ZDHHC11: variants seen among roughly 807,000 people sequenced by gnomAD.
ZDHHC11 encodes zDHHC palmitoyltransferase 11.
In ZDHHC11, 44 loss-of-function variants were observed where a neutral mutation model predicts 51.3. The observed-to-expected ratio is 0.86, with a 90% CI of 0.67 to 1.10. ZDHHC11 has a LOEUF of 1.10. ZDHHC11 is among the 50% of genes least tolerant of loss of function. The pLI is 0.00. For synonymous variants in ZDHHC11, 163 were observed against 222.0 expected (o/e 0.73, Z 2.36); for missense variants, 400 against 537.7 (o/e 0.74, Z 2.53).
intron 5 of ZDHHC11, among the ~76,000 whole-genome samples, chr5:837,983 G>A (rs539253125): frequency 5.3e-5 from 8 of 152,072 alleles, no homozygotes; most frequent in South Asian, 2.1e-4. Context: ...CCCCACAGTC[G>A]GAGGACCACG....
intron 10 of ZDHHC11, chr5:816,888 C>G (rs570810310): frequency 2.7e-5 from 12 of 451,908 alleles, no homozygotes; most frequent in African/African-American, 2.4e-4. Flanking sequence ...AAGCCAAGTT[C>G]ACCAAGTCTA....
In ZDHHC11 at chr5:850,927, T is replaced by C. The variant is rs1167999874; in HGVS notation, c.-325A>G. ...GCCCATCAGTTCCCCTGAGGATTTG[T>C]TACGTTCTGGGGAGTGCTCGACAGC... On this transcript the variant is annotated 5_prime_UTR_variant, in exon 1 of 13. Coordinates refer to ENST00000283441, the MANE Select transcript of ZDHHC11 (RefSeq NM_024786.3). The C allele has an allele frequency of 4.5e-6, 2 of 440,988 alleles. No individual in the cohort carries two copies. Among genetic ancestry groups the C allele is most frequent in the East Asian group, 3.8e-5 (1 of 26,194 alleles). The allele number at this position is 440,988 out of a possible 1,614,324, so 27.3% of individuals were successfully genotyped here.
intron 11 of ZDHHC11, among the ~76,000 whole-genome samples, chr5:803,159 T>C (rs1738732684): frequency 6.6e-6 from 1 of 151,412 alleles, no homozygotes; most frequent in African/African-American, 2.4e-5. Context: ...CTGGCTGATG[T>C]CACAGTGAGC....
Position 832,299 on chromosome 5 carries a change from CAG to C in ZDHHC11, c.935+1472_935+1473del, listed in dbSNP as rs1169676729. On this transcript the variant is annotated intron_variant, in intron 7 of 12. Transcript: ENST00000283441. ...AATGATGTAATGGGCTTTTGGGACT[CAG>C]GGGGAGTGGTGGGAGGAGGGTGATG... 8.0e-5 allele frequency among the ~76,000 whole-genome samples: 4 copies of C among 50,266 alleles called. No homozygotes were observed. In the Admixed American group the frequency reaches 8.0e-4, roughly 10 times the overall value. The allele number at this position is 50,266 out of a possible 152,430, so 33.0% of individuals were successfully genotyped here. A position where few individuals can be genotyped will look rare whatever the true frequency, so the allele number is the denominator to read the frequency against.
chr5:806,691 C>A (rs572738657), intron 11 of ZDHHC11, among the ~76,000 whole-genome samples: 1 of 151,252 alleles, frequency 6.6e-6, no homozygotes, highest in Non-Finnish European at 1.5e-5. Flanking sequence ...AAGAAAAGCA[C>A]AAAGAGTCCA....
chr5:838,454 G>A (rs902163635), intron 5 of ZDHHC11, among the ~76,000 whole-genome samples: 26 of 152,214 alleles, frequency 1.7e-4, no homozygotes, highest in Middle Eastern at 3.4e-3. Context: ...TTGCAGTGAG[G>A]AGCAGATGGC....
At chr5:839,072 G>C (rs1231342646) in intron 5 of ZDHHC11, among the ~76,000 whole-genome samples, 2 of 129,274 alleles carry the variant, frequency 1.5e-5, no homozygotes, top group African/African-American at 6.3e-5. Flanking sequence ...CTGAGGGTGA[G>C]AGATTTCCTG....
At chr5:817,960 C>T (rs144870495) in intron 10 of ZDHHC11, among the ~76,000 whole-genome samples, 58 of 151,384 alleles carry the variant, frequency 3.8e-4, no homozygotes, top group African/African-American at 1.3e-3. Context: ...GGCTGTGCCA[C>T]GGACGCGGGT....
At chr5:803,687 C>G (rs1738816968) in intron 11 of ZDHHC11, among the ~76,000 whole-genome samples, 2 of 151,144 alleles carry the variant, frequency 1.3e-5, no homozygotes, top group South Asian at 4.2e-4. Flanking sequence ...AACTACTAGT[C>G]AAACACATTA....
intron 10 of ZDHHC11, among the ~76,000 whole-genome samples, chr5:818,353 C>T (rs1165789781): frequency 6.6e-6 from 1 of 151,658 alleles, no homozygotes; most frequent in African/African-American, 2.4e-5. Context: ...CTGAGTGTCT[C>T]CATATCTTTG....
chr5:808,767 G>A (rs1048893492), intron 11 of ZDHHC11, among the ~76,000 whole-genome samples: 11 of 142,940 alleles, frequency 7.7e-5, no homozygotes, highest in Admixed American at 5.0e-4. Context: ...GCACAATCTC[G>A]GCTCACTGCA....
rs1396562725 is a variant in ZDHHC11 at position 836,052 on chromosome 5, T to C, written c.900+1313A>G. Reference sequence around the variant, plus strand: ...CTCTGTGCCTTCATTTTCCCTGCTATGCTGGGCTGGCCAGAATGTGACTGT... The same window carrying C: ...CTCTGTGCCTTCATTTTCCCTGCTACGCTGGGCTGGCCAGAATGTGACTGT... On this transcript the variant is annotated intron_variant, in intron 6 of 12. Transcript: ENST00000283441. Among the ~76,000 whole-genome samples the C allele has an allele frequency of 7.3e-5, 10 of 136,222 alleles. 1 individual carries two copies. Among genetic ancestry groups the C allele is most frequent in the Admixed American group, 1.4e-4 (2 of 14,426 alleles). The allele number at this position is 136,222 out of a possible 152,430, so 89.4% of individuals were successfully genotyped here.
At position 813,159 on chromosome 5, in the gene ZDHHC11, AC is replaced by A. The variant is rs527709711; in HGVS notation, c.1181+1601del. 4.1e-4 allele frequency among the ~76,000 whole-genome samples: 59 copies of A among 142,776 alleles called. 3 individuals carry two copies. Among genetic ancestry groups the A allele is most frequent in the African/African-American group, 1.6e-3 (58 of 36,518 alleles). 93.7% of individuals were successfully genotyped at this position (142,776 alleles called of 152,430 possible). On this transcript the variant is annotated intron_variant, in intron 11 of 12. Coordinates refer to ENST00000283441, the MANE Select transcript of ZDHHC11 (RefSeq NM_024786.3). ...CGAGACCAGTGTGGGCAACATGGTG[AC>A]ACCCCATCTCTACAAAAGTTGGCTC...
chr5:824,540 G>A (rs11134285), intron 8 of ZDHHC11, among the ~76,000 whole-genome samples: 14,996 of 150,544 alleles, frequency 0.1, 992 homozygotes, highest in African/African-American at 0.3. Flanking sequence ...CCCTAAAGCC[G>A]GCAGCCGCGC....
At position 825,177 on chromosome 5, in the gene ZDHHC11, T is replaced by A. The variant is rs1742162171; in HGVS notation, c.1010A>T (p.Asp337Val). The change falls in exon 8 of 13, where the codon GAT becomes GTT. Residue 337 changes from aspartate to valine, a missense_variant. Physicochemically the swap from Asp to Val is radical, Grantham distance 152. This residue lies in a region of ZDHHC11 where 231 missense variants were observed against 227.4 expected (regional missense o/e 1.02). Coordinates refer to ENST00000283441, the MANE Select transcript of ZDHHC11 (RefSeq NM_024786.3). ...HFCTSVNQDG[D>V]STAREGDEDP... ...ACTGCAACTTACCCGTGCCGTCGAA[T>A]CCCCATCCTGGTTTACTGAAGTGCA... is the stretch of plus-strand genomic sequence containing the variant. The A allele has an allele frequency of 6.2e-7, 1 of 1,612,516 alleles. No homozygotes were observed. Among genetic ancestry groups the A allele is most frequent in the Non-Finnish European group, 8.5e-7 (1 of 1,178,920 alleles).
At position 849,315 on chromosome 5, in the gene ZDHHC11, C is replaced by T. The variant is rs1209927201; in HGVS notation, c.223-655G>A. ...AGTCAGCCCAGCCAAGCACAGTGAC[C>T]CCAAAACCCTTTACAGCTTGAGGGA... On this transcript the variant is annotated intron_variant, in intron 1 of 12. Transcript: ENST00000283441. Among the ~76,000 whole-genome samples the T allele has an allele frequency of 2.6e-5, 4 of 152,124 alleles. No homozygotes were observed. The East Asian group carries it at 7.7e-4, about 29-fold the overall frequency.
upstream of ZDHHC11, among the ~76,000 whole-genome samples, chr5:851,712 C>T (rs1747257392): frequency 6.6e-6 from 1 of 152,120 alleles, no homozygotes; most frequent in Admixed American, 6.5e-5. Flanking sequence ...GCTTGAGTCA[C>T]ACAAGAATGT....
chr5:823,748 T>G, intron 8 of ZDHHC11: 1 of 243,676 alleles, frequency 4.1e-6, no homozygotes, highest in South Asian at 5.2e-5. Context: ...AGGCCTCATG[T>G]GGCTTCACTA....
At chr5:824,903 G>A (rs954695472) in intron 8 of ZDHHC11, among the ~76,000 whole-genome samples, 4 of 151,562 alleles carry the variant, frequency 2.6e-5, no homozygotes, top group African/African-American at 9.7e-5. Flanking sequence ...CATCACCACA[G>A]CCTGATGGTG....
Sources: gnomAD v4.1 joint callset for allele counts (sites outside exome capture counted in the v4.1 genomes callset) on GRCh38, gnomAD v4.1.1 for gene constraint, gnomAD v4.1.1 regional missense constraint, MANE v1.5 for transcripts, NCBI Gene and HGNC (gene_info 2026-07-23, HGNC 2026-07-21) for gene names.